The following DMD variants were observed in gnomAD, a reference collection of about 807,000 sequenced individuals.
DMD encodes dystrophin, also known as mutant dystrophin.
A neutral mutation model predicts 330.1 loss-of-function variants in DMD; 63 were observed. That is an observed-to-expected ratio of 0.19 (90% CI 0.16 to 0.24). The LOEUF (loss-of-function observed/expected upper bound fraction) is 0.24, where lower values mean the gene tolerates loss of function less well. Ranked by LOEUF, DMD falls within the 10% of genes least tolerant of loss-of-function variation. The probability of loss-of-function intolerance (pLI) is 1.00; values close to 1 mark genes in which losing one functional copy is unlikely to be tolerated. For missense variants in DMD, 3,344 were observed against 2,684.1 expected (o/e 1.25, Z -5.43); for synonymous variants, 1,223 against 959.8 (o/e 1.27, Z -5.07).
chrX:31,836,874 A>C, intron 48 of DMD, 55 bp from the exon 49 acceptor site: 1 of 1,025,727 alleles, frequency 9.7e-7, no homozygotes. Context: ...CAATAAAATT[A>C]CTAAATTTAA....
At chrX:33,052,131 G>A (rs780297032) in intron 1 of DMD, among the ~76,000 whole-genome samples, 3 of 111,450 alleles carry the variant, frequency 2.7e-5, no homozygotes, top group African/African-American at 9.8e-5. Context: ...ACAGCATTTC[G>A]AACACAAGAA....
chrX:33,149,305 A>G (rs568644367), intron 1 of DMD, among the ~76,000 whole-genome samples: 3 of 111,479 alleles, frequency 2.7e-5, no homozygotes, highest in African/African-American at 9.8e-5. Context: ...TAGATCTCTC[A>G]CATGTGCAGT....
In DMD at chrX:31,957,460, T is replaced by C. The variant is rs149466221; in HGVS notation, c.6614+10879A>G. On this transcript the variant is annotated intron_variant, in intron 45 of 78. Transcript: ENST00000357033. ...AAAGATATGCTTGTGTTTGTGTGCA[T>C]TCAAGAGACAGAATAATTAACCGGG... is the stretch of plus-strand genomic sequence containing the variant. Among the ~76,000 whole-genome samples, 544 of 111,783 alleles carry C rather than the reference T, an allele frequency of 4.9e-3. 3 individuals carry two copies. The highest frequency in any genetic ancestry group is 0.016 in the African/African-American group (486 of 30,753).
intron 33 of DMD, among the ~76,000 whole-genome samples, chrX:32,382,298 G>A (rs1005302568): frequency 1.8e-5 from 2 of 111,209 alleles, no homozygotes; most frequent in African/African-American, 6.5e-5. Context: ...TGCGTTATTT[G>A]TGCATTATGC....
chrX:33,159,179 T>A (rs749337716), intron 1 of DMD: 3 of 112,327 alleles, frequency 2.7e-5, no homozygotes, highest in South Asian at 3.7e-4. Flanking sequence ...CATATCACTG[T>A]TATTTTCCCA....
chrX:32,016,345 C>T (rs2095759956), intron 44 of DMD, among the ~76,000 whole-genome samples: 1 of 111,545 alleles, frequency 9.0e-6, no homozygotes, highest in Admixed American at 9.5e-5. Context: ...TAAGATAGTA[C>T]CACCCGAGTG....
intron 7 of DMD, among the ~76,000 whole-genome samples, chrX:32,708,438 T>G (rs924892455): frequency 1.8e-5 from 2 of 111,442 alleles, no homozygotes; most frequent in Non-Finnish European, 3.8e-5. Flanking sequence ...CTGTCCCAGT[T>G]TTTATCTATA....
chrX:31,242,173 T>C (rs1480543640), intron 63 of DMD, among the ~76,000 whole-genome samples: 1 of 103,747 alleles, frequency 9.6e-6, no homozygotes, highest in Non-Finnish European at 1.9e-5. Flanking sequence ...GGAGAATCAC[T>C]TGAGCCCAGG....
At chrX:31,271,113 AAGGACCATTGTCCTTG>A (rs1470184515) in intron 62 of DMD, among the ~76,000 whole-genome samples, 2 of 111,881 alleles carry the variant, frequency 1.8e-5, no homozygotes, top group African/African-American at 6.5e-5. Context: ...AGTGAAGGTT[AAGGACCATTGTCCTTG>A]AGTGACAACA....
intron 44 of DMD, among the ~76,000 whole-genome samples, chrX:32,029,834 T>G (rs1052019964): frequency 1.8e-5 from 2 of 111,830 alleles, no homozygotes; most frequent in Non-Finnish European, 3.8e-5. Context: ...TCGTGTAATA[T>G]TCTCCGGTAA....
intron 30 of DMD, among the ~76,000 whole-genome samples, chrX:32,396,610 T>C (rs1439334618): frequency 9.2e-6 from 1 of 108,466 alleles, no homozygotes; most frequent in Non-Finnish European, 2.0e-5. Flanking sequence ...TGTTATCCTT[T>C]TGCTTTTTTT....
rs181771094 is a variant in DMD, at chrX:32,493,061, G to A, written c.2381-1543C>T. 2.4e-3 allele frequency among the ~76,000 whole-genome samples: 263 copies of A among 111,766 alleles called. 2 individuals are homozygous for A. The highest frequency in any genetic ancestry group is 8.1e-3 in the African/African-American group (249 of 30,846). On this transcript the variant is annotated intron_variant, in intron 19 of 78. Transcript: ENST00000357033. ...TAAGTTCTTAAAAAGTCTGAAGAAC[G>A]TCTCTAGAAACATAAGGCCTGTGGT...
At chrX:33,191,136 A>G (rs1333738461) in intron 1 of DMD, among the ~76,000 whole-genome samples, 2 of 99,286 alleles carry the variant, frequency 2.0e-5, no homozygotes, top group Admixed American at 1.2e-4. Context: ...CTAATTAAAT[A>G]TCTAAATATC....
chrX:32,213,985 T>C (rs1465383676), intron 44 of DMD, among the ~76,000 whole-genome samples: 2 of 109,378 alleles, frequency 1.8e-5, no homozygotes, highest in Admixed American at 1.9e-4. Flanking sequence ...AAAAAAAGTA[T>C]CCAATTGAGG....
chrX:32,407,379 T>C (rs1288594178), intron 30 of DMD, among the ~76,000 whole-genome samples: 1 of 111,814 alleles, frequency 8.9e-6, no homozygotes, highest in Non-Finnish European at 1.9e-5. Flanking sequence ...AAAAAAATGC[T>C]CATCATCACT....
At chrX:32,662,162 A>G (rs2060989046) in intron 9 of DMD, among the ~76,000 whole-genome samples, 1 of 111,761 alleles carries the variant, frequency 8.9e-6, no homozygotes, top group Non-Finnish European at 1.9e-5. Flanking sequence ...AATTTCCTAC[A>G]AACTCAGTAC....
In DMD at chrX:31,836,825, G is replaced by T; in HGVS notation, c.7099-6C>A. Reference sequence around the variant, plus strand: ...TGAACTGCTATTTCAGTTTCCTGGGGAAAAGAACCCATATAGTGCAGATTA... The same window carrying T: ...TGAACTGCTATTTCAGTTTCCTGGGTAAAAGAACCCATATAGTGCAGATTA... On this transcript the variant is annotated splice_region_variant and splice_polypyrimidine_tract_variant and intron_variant, in intron 48 of 78. Coordinates refer to ENST00000357033, the MANE Select transcript of DMD (RefSeq NM_004006.3). 8.4e-7 allele frequency: 1 copy of T among 1,192,629 alleles called. No homozygotes were observed. The highest frequency in any genetic ancestry group is 1.8e-5 in the South Asian group (1 of 56,542).
At chrX:32,632,215 C>G (rs997258047) in intron 11 of DMD, among the ~76,000 whole-genome samples, 2 of 112,214 alleles carry the variant, frequency 1.8e-5, no homozygotes, top group African/African-American at 6.5e-5. Flanking sequence ...CCAAAATTAT[C>G]TGCTTTGACT....
chrX:31,313,725 A>G (rs1569524299), intron 62 of DMD, among the ~76,000 whole-genome samples: 1 of 109,588 alleles, frequency 9.1e-6, no homozygotes, highest in East Asian at 2.8e-4. Flanking sequence ...TCTTATCATG[A>G]TGATTTTAAG....
Sources: gnomAD v4.1 joint callset for allele counts (sites outside exome capture counted in the v4.1 genomes callset) on GRCh38, gnomAD v4.1.1 for gene constraint, MANE v1.5 for transcripts, NCBI Gene and HGNC (gene_info 2026-07-23, HGNC 2026-07-21) for gene names.